The following XYLT1 variants were observed in gnomAD, a reference collection of about 807,000 sequenced individuals.
The protein encoded by XYLT1 is xylosyltransferase 1, also known as beta-D-xylosyltransferase 1.
In XYLT1, 36 loss-of-function variants were observed where a neutral mutation model predicts 91.3. The ratio of observed to expected loss-of-function variants is 0.39; its 90% CI spans 0.30 to 0.52. The LOEUF (loss-of-function observed/expected upper bound fraction) is 0.52, where lower values mean the gene tolerates loss of function less well. XYLT1 is among the 20% of genes least tolerant of loss of function. The probability of loss-of-function intolerance (pLI) is 0.68; values close to 1 mark genes in which losing one functional copy is unlikely to be tolerated. For missense variants in XYLT1, 1,242 were observed against 1,284.5 expected, an observed-to-expected ratio of 0.97 and a Z score of 0.51; for synonymous variants, 588 against 532.0, an observed-to-expected ratio of 1.11 and a Z score of -1.45.
intron 3 of XYLT1, among the ~76,000 whole-genome samples, chr16:17,217,907 G>GT (rs1210197035): frequency 1.3e-5 from 2 of 151,636 alleles, no homozygotes; most frequent in African/African-American, 4.9e-5. Flanking sequence ...GGAAGACCAT[G>GT]TGTCAAGGTC....
At chr16:17,149,814 T>G (rs574182907) in intron 6 of XYLT1, among the ~76,000 whole-genome samples, 1 of 152,336 alleles carries the variant, frequency 6.6e-6, no homozygotes, top group South Asian at 2.1e-4. Flanking sequence ...CTTTGGTTTC[T>G]CACAGGGGAA....
At chr16:17,167,161 T>A (rs1360681423) in intron 5 of XYLT1, among the ~76,000 whole-genome samples, 2 of 152,178 alleles carry the variant, frequency 1.3e-5, no homozygotes, top group Non-Finnish European at 2.9e-5. Context: ...GCCTGAGCTG[T>A]TTTCAATCCC....
chr16:17,380,515 T>A (rs2035666787), intron 1 of XYLT1, among the ~76,000 whole-genome samples: 1 of 152,200 alleles, frequency 6.6e-6, no homozygotes, highest in African/African-American at 2.4e-5. Flanking sequence ...AATTTTGTTA[T>A]CACATGCTTA....
intron 3 of XYLT1, among the ~76,000 whole-genome samples, chr16:17,247,657 G>A (rs998622058): frequency 3.2e-4 from 48 of 152,150 alleles, no homozygotes; most frequent in African/African-American, 1.1e-3. Flanking sequence ...CAAGGCTTTC[G>A]CAGCCGATAA....
In XYLT1 at chr16:17,470,811, C is replaced by T. The variant is rs1016104462; in HGVS notation, c.-15G>A. The T allele has an allele frequency of 1.4e-5, 13 of 908,308 alleles. No homozygotes were observed. The highest frequency in any genetic ancestry group is 1.6e-5 in the Non-Finnish European group (13 of 801,074). 56.3% of individuals were successfully genotyped at this position (908,308 alleles called of 1,614,324 possible). On this transcript the variant is annotated 5_prime_UTR_variant, in exon 1 of 12. Transcript: ENST00000261381. ...GCCGCCACCATCTTCGGAGCGCGGC[C>T]GGCGAGCGAGGCGCGGGGACCCCGG...
In XYLT1 at chr16:17,106,830, C is replaced by G. The variant is rs966026640; in HGVS notation, c.*1865G>C. 1 of 151,996 alleles carries G rather than the reference C, an allele frequency of 6.6e-6. No individual in the cohort carries two copies. The highest frequency in any genetic ancestry group is 6.6e-5 in the Admixed American group (1 of 15,266). 9.4% of individuals were successfully genotyped at this position (151,996 alleles called of 1,614,324 possible). A position where few individuals can be genotyped will look rare whatever the true frequency, so the allele number is the denominator to read the frequency against. On this transcript the variant is annotated 3_prime_UTR_variant, in exon 12 of 12. Coordinates refer to ENST00000261381, the MANE Select transcript of XYLT1 (RefSeq NM_022166.4). ...TCTGCATAAGGAAAAAAACAAGGCT[C>G]CAACGGTCCCCAAGGCACCCCACTC...
At chr16:17,234,339 T>C (rs2033212735) in intron 3 of XYLT1, among the ~76,000 whole-genome samples, 1 of 152,238 alleles carries the variant, frequency 6.6e-6, no homozygotes, top group African/African-American at 2.4e-5. Flanking sequence ...TGCAAATCTC[T>C]GGGCCTACCT....
chr16:17,452,650 TAG>T (rs1243986593), intron 1 of XYLT1, among the ~76,000 whole-genome samples: 1 of 152,216 alleles, frequency 6.6e-6, no homozygotes, highest in Non-Finnish European at 1.5e-5. Context: ...AAGAATTACT[TAG>T]AAGAGTTTCG....
At chr16:17,194,447 A>G (rs2032384995) in intron 5 of XYLT1, among the ~76,000 whole-genome samples, 2 of 152,208 alleles carry the variant, frequency 1.3e-5, no homozygotes, top group Non-Finnish European at 2.9e-5. Context: ...CGGGCCCCCA[A>G]CCTAGGCTGG....
chr16:17,318,683 T>C (rs2034671886), intron 2 of XYLT1, among the ~76,000 whole-genome samples: 1 of 152,130 alleles, frequency 6.6e-6, no homozygotes, highest in African/African-American at 2.4e-5. Flanking sequence ...ATAATGAACT[T>C]CCAGACACTC....
At chr16:17,394,957 C>T (rs995812866) in intron 1 of XYLT1, among the ~76,000 whole-genome samples, 1 of 152,066 alleles carries the variant, frequency 6.6e-6, no homozygotes, top group Non-Finnish European at 1.5e-5. Context: ...CCCTGCCCAT[C>T]CCCCCTGTAT....
At chr16:17,265,365 G>T (rs1034522785) in intron 2 of XYLT1, among the ~76,000 whole-genome samples, 2 of 152,114 alleles carry the variant, frequency 1.3e-5, no homozygotes, top group Admixed American at 6.5e-5. Flanking sequence ...GGACAGATGG[G>T]TTATTATTTC....
chr16:17,462,187 C>T (rs1020426159), intron 1 of XYLT1, among the ~76,000 whole-genome samples: 1 of 152,198 alleles, frequency 6.6e-6, no homozygotes, highest in Non-Finnish European at 1.5e-5. Flanking sequence ...GATTAGATGT[C>T]CAGATAAGCA....
chr16:17,168,348 C>G (rs1458560078), intron 5 of XYLT1, among the ~76,000 whole-genome samples: 1 of 152,114 alleles, frequency 6.6e-6, no homozygotes, highest in African/African-American at 2.4e-5. Context: ...GAACAGAAAG[C>G]TAAATACCAC....
At chr16:17,433,965 C>T (rs1230956397) in intron 1 of XYLT1, among the ~76,000 whole-genome samples, 1 of 151,970 alleles carries the variant, frequency 6.6e-6, no homozygotes, top group Non-Finnish European at 1.5e-5. Context: ...AGCTCTGATC[C>T]TTTCGAGAAA....
intron 2 of XYLT1, among the ~76,000 whole-genome samples, chr16:17,354,425 C>T (rs966209488): frequency 8.5e-5 from 13 of 152,294 alleles, no homozygotes; most frequent in African/African-American, 2.2e-4. Context: ...ATTAACCAAG[C>T]GATGGCTGAG....
intron 5 of XYLT1, among the ~76,000 whole-genome samples, chr16:17,195,426 T>C (rs1283427366): frequency 2.6e-5 from 4 of 150,988 alleles, no homozygotes; most frequent in Non-Finnish European, 4.4e-5. Context: ...CACATCTTCC[T>C]TTTTTTTTGT....
chr16:17,400,545 A>T (rs1354305697), intron 1 of XYLT1, among the ~76,000 whole-genome samples: 2 of 146,116 alleles, frequency 1.4e-5, no homozygotes, highest in East Asian at 4.7e-4. Flanking sequence ...AGCTGAGATC[A>T]TGCCATCACA....
At chr16:17,400,039 G>A (rs758232129) in intron 1 of XYLT1, among the ~76,000 whole-genome samples, 8 of 152,166 alleles carry the variant, frequency 5.3e-5, no homozygotes, top group Non-Finnish European at 8.8e-5. Flanking sequence ...CAGGCTAACT[G>A]GCCCTCACCA....
Sources: gnomAD v4.1 joint callset for allele counts (sites outside exome capture counted in the v4.1 genomes callset) on GRCh38, gnomAD v4.1.1 for gene constraint, MANE v1.5 for transcripts, NCBI Gene and HGNC (gene_info 2026-07-23, HGNC 2026-07-21) for gene names.